The following TBC1D5 variants were observed in gnomAD, a reference collection of about 807,000 sequenced individuals.
TBC1D5 encodes TBC1 domain family, member 5.
TBC1D5 carries 75 observed loss-of-function variants against 100.3 expected under a neutral mutation model. The observed-to-expected ratio is 0.75, with a 90% CI of 0.62 to 0.91. The LOEUF (loss-of-function observed/expected upper bound fraction) is 0.91, where lower values mean the gene tolerates loss of function less well. Among genes scored for constraint, TBC1D5 ranks in the 40% least tolerant of loss-of-function variants. The pLI is 0.00. For missense variants in TBC1D5, 910 were observed against 942.4 expected (o/e 0.97, Z 0.45); for synonymous variants, 323 against 325.6 (o/e 0.99, Z 0.09).
chr3:17,694,834 A>G (rs1430558274), intron 1 of TBC1D5, among the ~76,000 whole-genome samples: 1 of 152,192 alleles, frequency 6.6e-6, no homozygotes, highest in Non-Finnish European at 1.5e-5. Flanking sequence ...AAAATGTTAA[A>G]GGCAGCCAGA....
chr3:17,284,181 A>G (rs990721647), intron 15 of TBC1D5, among the ~76,000 whole-genome samples: 5 of 151,468 alleles, frequency 3.3e-5, no homozygotes, highest in Admixed American at 2.6e-4. Context: ...GCAGTGGTGC[A>G]ATCTTGGCTC....
intron 1 of TBC1D5, among the ~76,000 whole-genome samples, chr3:17,690,827 C>T (rs1416377536): frequency 6.6e-6 from 1 of 152,100 alleles, no homozygotes; most frequent in African/African-American, 2.4e-5. Flanking sequence ...CAAAACTGGT[C>T]CCTGGTGCCA....
intron 13 of TBC1D5, among the ~76,000 whole-genome samples, chr3:17,312,287 T>C (rs948848313): frequency 2.0e-5 from 3 of 152,132 alleles, no homozygotes; most frequent in Non-Finnish European, 2.9e-5. Flanking sequence ...GTTTTACACT[T>C]ACTAGTCTTC....
intron 10 of TBC1D5, among the ~76,000 whole-genome samples, chr3:17,376,200 C>T (rs1359874968): frequency 1.3e-5 from 2 of 151,994 alleles, no homozygotes; most frequent in Non-Finnish European, 2.9e-5. Context: ...GATCATTGAG[C>T]ATGATATATA....
At position 17,380,319 on chromosome 3, in the gene TBC1D5, A is replaced by G. The variant is rs369900250; in HGVS notation, c.612+3594T>C. On this transcript the variant is annotated intron_variant, in intron 9 of 21. Coordinates refer to ENST00000253692, the Ensembl canonical transcript of TBC1D5. ...ACCATTAAAACTATTTTACAAGCTC[A>G]GTTTTGACTTTCATCTAAACTAGGG... Among the ~76,000 whole-genome samples the G allele has an allele frequency of 3.9e-5, 6 of 152,196 alleles. No homozygotes were observed. The East Asian group carries it at 9.7e-4, about 25-fold the overall frequency.
chr3:17,583,068 T>C (rs1441176872), intron 2 of TBC1D5, among the ~76,000 whole-genome samples: 2 of 152,108 alleles, frequency 1.3e-5, no homozygotes, highest in African/African-American at 4.8e-5. Context: ...GTGGATCACT[T>C]GAGCTCAAGA....
chr3:17,720,937 T>C (rs1054008265), intron 1 of TBC1D5, among the ~76,000 whole-genome samples: 1 of 152,008 alleles, frequency 6.6e-6, no homozygotes, highest in African/African-American at 2.4e-5. Flanking sequence ...CCTCTTGGGT[T>C]CAAGCGATTC....
chr3:17,216,117 CAGA>C (rs1272252268), intron 17 of TBC1D5, among the ~76,000 whole-genome samples: 2 of 152,142 alleles, frequency 1.3e-5, no homozygotes, highest in South Asian at 2.1e-4. Flanking sequence ...AGCCACATTT[CAGA>C]AGAAGTGTGG....
chr3:17,333,465 C>A (rs994790317), intron 13 of TBC1D5: 6 of 151,918 alleles, frequency 3.9e-5, no homozygotes, highest in African/African-American at 1.5e-4. Context: ...CCCAAAATAA[C>A]CAATAAATTA....
chr3:17,405,416 A>G (rs2093745309), intron 5 of TBC1D5, among the ~76,000 whole-genome samples: 1 of 152,124 alleles, frequency 6.6e-6, no homozygotes, highest in Admixed American at 6.6e-5. Context: ...AGCCTGAAAC[A>G]TGAAAGCATT....
At chr3:17,347,395 C>G (rs1003618589) in intron 13 of TBC1D5, among the ~76,000 whole-genome samples, 3 of 152,074 alleles carry the variant, frequency 2.0e-5, no homozygotes, top group African/African-American at 7.2e-5. Context: ...ATGACACAGT[C>G]ACTTATTTCA....
intron 1 of TBC1D5, among the ~76,000 whole-genome samples, chr3:17,687,967 GA>G (rs2070555640): frequency 6.6e-6 from 1 of 152,000 alleles, no homozygotes; most frequent in African/African-American, 2.4e-5. Context: ...ACTCTTCAAA[GA>G]AAATGAAAGA....
At chr3:17,339,477 G>A (rs1010716757) in intron 13 of TBC1D5, among the ~76,000 whole-genome samples, 1 of 152,158 alleles carries the variant, frequency 6.6e-6, no homozygotes, top group Non-Finnish European at 1.5e-5. Context: ...GACCCATCAA[G>A]CTAATCTTTC....
chr3:17,457,465 C>G (rs1303743892), intron 3 of TBC1D5, among the ~76,000 whole-genome samples: 2 of 152,122 alleles, frequency 1.3e-5, no homozygotes, highest in Non-Finnish European at 2.9e-5. Context: ...CCTGACATAG[C>G]CATTCTCCAT....
intron 3 of TBC1D5, among the ~76,000 whole-genome samples, chr3:17,448,081 C>G (rs887804415): frequency 3.3e-5 from 5 of 152,118 alleles, no homozygotes; most frequent in Non-Finnish European, 5.9e-5. Context: ...GGCAGATCAC[C>G]GGAGCCCTCG....
At chr3:17,565,290 A>T (rs2096586481) in intron 2 of TBC1D5, among the ~76,000 whole-genome samples, 5 of 152,150 alleles carry the variant, frequency 3.3e-5, no homozygotes. Flanking sequence ...TAAAGTCCTT[A>T]AGGAGTATCA....
At chr3:17,365,707 A>G (rs2092072481) in intron 13 of TBC1D5, among the ~76,000 whole-genome samples, 1 of 152,144 alleles carries the variant, frequency 6.6e-6, no homozygotes, top group African/African-American at 2.4e-5. Flanking sequence ...AGTACTAACA[A>G]GACTCCTGAT....
intron 1 of TBC1D5, among the ~76,000 whole-genome samples, chr3:17,675,720 A>G (rs2068541486): frequency 6.6e-6 from 1 of 152,156 alleles, no homozygotes; most frequent in Non-Finnish European, 1.5e-5. Context: ...ATGATGGTGA[A>G]ATTTCATCAA....
intron 3 of TBC1D5, among the ~76,000 whole-genome samples, chr3:17,471,354 T>A (rs2095370093): frequency 6.6e-6 from 1 of 152,242 alleles, no homozygotes; most frequent in Non-Finnish European, 1.5e-5. Flanking sequence ...GGTATTAGTA[T>A]TAATATTCTA....
Sources: allele counts gnomAD v4.1 joint callset (sites outside exome capture counted in the v4.1 genomes callset), GRCh38; gene constraint gnomAD v4.1.1; transcripts MANE v1.5; gene names NCBI Gene and HGNC (gene_info 2026-07-23, HGNC 2026-07-21).